Variants in COX7A2 observed in about 807,000 individuals in gnomAD.
COX7A2 encodes the protein cytochrome c oxidase subunit 7A2, mitochondrial.
A neutral mutation model predicts 11.6 loss-of-function variants in COX7A2; 11 were observed. That is an observed-to-expected ratio of 0.95 (90% CI 0.60 to 1.57). The LOEUF (loss-of-function observed/expected upper bound fraction) is 1.57. COX7A2 is among the 40% of genes most tolerant of loss of function. The pLI is 0.00. For missense variants in COX7A2, 106 were observed against 100.9 expected, an observed-to-expected ratio of 1.05 and a Z score of -0.22; for synonymous variants, 30 against 38.2, an observed-to-expected ratio of 0.78 and a Z score of 0.79.
upstream of COX7A2, chr6:75,243,821 G>T (rs766647746): frequency 1.2e-6 from 2 of 1,613,994 alleles, no homozygotes; most frequent in East Asian, 2.2e-5. Flanking sequence ...TCCGAGTCTT[G>T]CGTATGCATT....
intron 3 of COX7A2, among the ~76,000 whole-genome samples, chr6:75,238,704 CAAAAAA>C (rs35057968): frequency 1.8e-5 from 1 of 55,748 alleles, no homozygotes; most frequent in Non-Finnish European, 3.0e-5. Flanking sequence ...AACTCCATCT[CAAAAAA>C]AAAAAAAAAA....
upstream of COX7A2, chr6:75,244,155 G>C (rs1212765288): frequency 4.3e-6 from 1 of 233,396 alleles, no homozygotes; most frequent in African/African-American, 2.3e-5. Context: ...ACTGAACAAA[G>C]ACTGGGTTGG....
At chr6:75,242,434 A>G (rs1771534545) in intron 1 of COX7A2, among the ~76,000 whole-genome samples, 1 of 152,112 alleles carries the variant, frequency 6.6e-6, no homozygotes, top group African/African-American at 2.4e-5. Flanking sequence ...TGAATCCAGG[A>G]GGCGGGGTTT....
At chr6:75,248,942 G>A (rs950583914) in intron 1 of COX7A2, among the ~76,000 whole-genome samples, 3 of 152,096 alleles carry the variant, frequency 2.0e-5, no homozygotes, top group African/African-American at 7.2e-5. Flanking sequence ...GAAACTAGTG[G>A]GCTAAGGTTG....
chr6:75,242,831 A>T (rs1213339339), intron 1 of COX7A2, among the ~76,000 whole-genome samples: 2 of 5,362 alleles, frequency 3.7e-4, no homozygotes, highest in African/African-American at 5.1e-4. Context: ...AAAAAAAAAT[A>T]AAATAAAATA....
At chr6:75,246,221 A>G (rs1771679600), upstream of COX7A2, among the ~76,000 whole-genome samples, 1 of 152,214 alleles carries the variant, frequency 6.6e-6, no homozygotes, top group Non-Finnish European at 1.5e-5. Flanking sequence ...TAGATGGCTA[A>G]TGCGCATCTC....
chr6:75,247,313 T>G (rs540553111), upstream of COX7A2, among the ~76,000 whole-genome samples: 2 of 152,248 alleles, frequency 1.3e-5, no homozygotes, highest in South Asian at 4.1e-4. Context: ...GAAGCCAGAA[T>G]AGTTTTGTGT....
At chr6:75,243,922 C>T (rs1771616007), upstream of COX7A2, 8 of 1,121,562 alleles carry the variant, frequency 7.1e-6, no homozygotes, top group South Asian at 6.9e-5. Flanking sequence ...ACGGCTCTAT[C>T]CGCTCTAGCC....
intron 3 of COX7A2, among the ~76,000 whole-genome samples, chr6:75,239,520 T>C (rs2149509474): frequency 6.6e-6 from 1 of 152,376 alleles, no homozygotes; most frequent in East Asian, 1.9e-4. Flanking sequence ...ATGAATATGA[T>C]AGGCATAAAA....
Position 75,240,332 on chromosome 6 carries a change from C to T in COX7A2, c.162G>A (p.Leu54=). The T allele has an allele frequency of 1.2e-6, 2 of 1,609,044 alleles. No homozygotes were observed. The highest frequency in any genetic ancestry group is 1.7e-4 in the Middle Eastern group (1 of 6,044). The change falls in exon 3 of 4, where the codon CTG becomes CTA. Residue 54 remains leucine (L), a synonymous_variant. Coordinates refer to ENST00000684430, the MANE Select transcript of COX7A2 (RefSeq NM_001366293.2). ...YLKGGVADAL[L]YRATMILTVG... is the part of the protein sequence containing the mutation. ...CTGTAAGAATCATGGTGGCTCTATA[C>T]AGGAGGGCATCAGCTACCCCACCCT...
upstream of COX7A2, among the ~76,000 whole-genome samples, chr6:75,248,676 T>A (rs925933214): frequency 6.6e-6 from 1 of 151,058 alleles, no homozygotes; most frequent in Admixed American, 6.6e-5. Flanking sequence ...TCAGAATAAA[T>A]CTCTTAAAAT....
intron 1 of COX7A2, among the ~76,000 whole-genome samples, chr6:75,249,405 A>T (rs747176229): frequency 3.9e-5 from 6 of 152,222 alleles, no homozygotes; most frequent in African/African-American, 9.6e-5. Flanking sequence ...AGAGAAAAAA[A>T]ATATATTGTT....
At chr6:75,238,506 G>A (rs1032200718) in intron 3 of COX7A2, among the ~76,000 whole-genome samples, 2 of 151,648 alleles carry the variant, frequency 1.3e-5, no homozygotes, top group South Asian at 2.1e-4. Context: ...TCAGGAGTTC[G>A]AGACCAGCCT....
intron 2 of COX7A2, 162 bp from the exon 3 acceptor site, chr6:75,240,547 G>A: frequency 1.9e-6 from 1 of 533,268 alleles, no homozygotes; most frequent in Non-Finnish European, 3.2e-6. Context: ...TCTTTATTCC[G>A]TCTCTACTAC....
rs1034398542 is a variant in COX7A2 at position 75,243,654 on chromosome 6, G to A, written c.18+63C>T. 4.6e-6 allele frequency: 7 copies of A among 1,513,682 alleles called. No individual in the cohort carries two copies. In the East Asian group the frequency reaches 6.8e-5, roughly 15 times the overall value. The allele number at this position is 1,513,682 out of a possible 1,614,324, so 93.8% of individuals were successfully genotyped here. ...TCCCAGGTGAGGGTTTTCTGTCGTG[G>A]TGCCTCAGCCTCCTCTCCACTCCCT... On this transcript the variant is annotated intron_variant, in intron 1 of 3. Coordinates refer to ENST00000684430, the MANE Select transcript of COX7A2 (RefSeq NM_001366293.2).
At chr6:75,248,692 A>C (rs1241763118), upstream of COX7A2, among the ~76,000 whole-genome samples, 1 of 132,028 alleles carries the variant, frequency 7.6e-6, no homozygotes, top group South Asian at 2.7e-4. Flanking sequence ...AAAATATTTT[A>C]TAGAGTTTGA....
upstream of COX7A2, chr6:75,243,834 C>G (rs1223430678): frequency 2.5e-6 from 4 of 1,613,550 alleles, no homozygotes; most frequent in Non-Finnish European, 3.4e-6. Flanking sequence ...TATGCATTCA[C>G]GAACTTAAAT....
At chr6:75,240,113 A>C (rs183702772) in intron 3 of COX7A2, among the ~76,000 whole-genome samples, 188 bp downstream of exon 3, 1 of 152,234 alleles carries the variant, frequency 6.6e-6, no homozygotes, top group Non-Finnish European at 1.5e-5. Flanking sequence ...AAAAAAAAAG[A>C]AGACATCACA....
intron 3 of COX7A2, among the ~76,000 whole-genome samples, chr6:75,239,527 A>G (rs1771423948): frequency 6.6e-6 from 1 of 152,236 alleles, no homozygotes; most frequent in South Asian, 2.1e-4. Context: ...TGATAGGCAT[A>G]AAATAATCAC....
Sources: gnomAD v4.1 joint callset for allele counts (sites outside exome capture counted in the v4.1 genomes callset) on GRCh38, gnomAD v4.1.1 for gene constraint, MANE v1.5 for transcripts, NCBI Gene and HGNC (gene_info 2026-07-23, HGNC 2026-07-21) for gene names.